CEMIP: variants seen among roughly 807,000 people sequenced by gnomAD.
CEMIP encodes cell migration-inducing and hyaluronan-binding protein.
A neutral mutation model predicts 156.9 loss-of-function variants in CEMIP; 105 were observed. The observed-to-expected ratio is 0.67, with a 90% confidence interval of 0.57 to 0.79. The LOEUF is 0.79. Ranked by LOEUF, CEMIP falls within the 30% of genes least tolerant of loss-of-function variation. The probability of loss-of-function intolerance (pLI) is 0.00; values close to 1 mark genes in which losing one functional copy is unlikely to be tolerated. For synonymous variants in CEMIP, 676 were observed against 668.4 expected (o/e 1.01, Z -0.17); for missense variants, 1,457 against 1,769.4 (o/e 0.82, Z 3.17).
intron 12 of CEMIP, among the ~76,000 whole-genome samples, chr15:80,900,647 T>TA (rs1899476483): frequency 5.1e-5 from 6 of 117,618 alleles, no homozygotes; most frequent in African/African-American, 1.6e-4. Flanking sequence ...TGTGTGTGTG[T>TA]GTCTGTGTGT....
intron 1 of CEMIP, among the ~76,000 whole-genome samples, chr15:80,804,225 C>A (rs1273868979): frequency 1.3e-5 from 2 of 152,220 alleles, no homozygotes; most frequent in African/African-American, 4.8e-5. Flanking sequence ...GGGACACAGG[C>A]AAACCATATC....
intron 1 of CEMIP, among the ~76,000 whole-genome samples, chr15:80,864,553 C>A (rs984197288): frequency 6.6e-6 from 1 of 152,250 alleles, no homozygotes; most frequent in Non-Finnish European, 1.5e-5. Flanking sequence ...TCGCATACAT[C>A]ATCTCATCCC....
At chr15:80,899,003 A>G (rs189775969) in intron 12 of CEMIP, among the ~76,000 whole-genome samples, 21 of 152,296 alleles carry the variant, frequency 1.4e-4, no homozygotes, top group Non-Finnish European at 2.2e-4. Flanking sequence ...TCACAAGGTC[A>G]AGAGTTCGAG....
chr15:80,816,004 T>C (rs1038340547), intron 1 of CEMIP, among the ~76,000 whole-genome samples: 2 of 152,328 alleles, frequency 1.3e-5, no homozygotes, highest in Non-Finnish European at 2.9e-5. Context: ...TTCCTCCAGA[T>C]TGAAATTTAT....
At position 80,782,539 on chromosome 15, in the gene CEMIP, C is replaced by T. The variant is rs148384752; in HGVS notation, c.-176+2925C>T. On this transcript the variant is annotated intron_variant, in intron 1 of 29. Coordinates refer to ENST00000394685, the MANE Select transcript of CEMIP (RefSeq NM_001293298.2). Reference sequence around the variant, plus strand: ...TGGTAGACATCACTAATACATGACACACCACAGAAGTTTGGAGAATGGAAT... The same window carrying T: ...TGGTAGACATCACTAATACATGACATACCACAGAAGTTTGGAGAATGGAAT... Among the ~76,000 whole-genome samples the T allele has an allele frequency of 4.2e-3, 641 of 152,270 alleles. 1 individual carries two copies. The highest frequency in any genetic ancestry group is 7.3e-3 in the South Asian group (35 of 4,826).
At chr15:80,829,691 C>A (rs1003250741) in intron 1 of CEMIP, among the ~76,000 whole-genome samples, 1 of 152,182 alleles carries the variant, frequency 6.6e-6, no homozygotes, top group East Asian at 1.9e-4. Flanking sequence ...TTTCTTAGAA[C>A]AGAGATTTGC....
intron 1 of CEMIP, among the ~76,000 whole-genome samples, chr15:80,831,862 C>T (rs1897164316): frequency 6.6e-6 from 1 of 152,178 alleles, no homozygotes; most frequent in African/African-American, 2.4e-5. Flanking sequence ...CATTCAAGGG[C>T]GTTAGTGCCA....
In CEMIP at chr15:80,937,962, C is replaced by T; in HGVS notation, c.3390C>T (p.Tyr1130=). ...GCTACCCTGGCAGGAGCCACTACTA[C>T]TGGGACGAGGACTCAGGGTGAGCAG... ...EQSYPGRSHY[Y]WDEDSGLLFL... The change falls in exon 25 of 30, where the codon TAC becomes TAT. Residue 1130 remains tyrosine (Y), a synonymous_variant. Coordinates refer to ENST00000394685, the MANE Select transcript of CEMIP (RefSeq NM_001293298.2). 3.7e-6 allele frequency: 6 copies of T among 1,614,026 alleles called. No individual in the cohort carries two copies. The highest frequency in any genetic ancestry group is 5.1e-6 in the Non-Finnish European group (6 of 1,179,972).
At chr15:80,836,009 A>G (rs1897262721) in intron 1 of CEMIP, among the ~76,000 whole-genome samples, 1 of 103,786 alleles carries the variant, frequency 9.6e-6, no homozygotes, top group African/African-American at 3.0e-5. Context: ...GTCATGTGTA[A>G]CTTGGTTTGC....
intron 1 of CEMIP, among the ~76,000 whole-genome samples, chr15:80,781,050 C>T (rs1895779469): frequency 6.6e-6 from 1 of 152,186 alleles, no homozygotes; most frequent in Non-Finnish European, 1.5e-5. Context: ...TATGACACCA[C>T]GGAGACCCCT....
intron 21 of CEMIP, among the ~76,000 whole-genome samples, chr15:80,930,815 C>T (rs1360045689): frequency 6.6e-6 from 1 of 152,126 alleles, no homozygotes; most frequent in African/African-American, 2.4e-5. Context: ...ATTTTTTCTG[C>T]TTCTTTTTCC....
intron 12 of CEMIP, chr15:80,900,876 C>T: frequency 4.4e-6 from 2 of 452,066 alleles, no homozygotes; most frequent in Admixed American, 2.4e-5. Context: ...AGGCTGGCTG[C>T]AGACACGGAC....
chr15:80,831,477 G>C (rs999057670), intron 1 of CEMIP, among the ~76,000 whole-genome samples: 2 of 152,118 alleles, frequency 1.3e-5, no homozygotes, highest in African/African-American at 2.4e-5. Flanking sequence ...GGCTAAGTTG[G>C]GGGGACAGGA....
At chr15:80,834,360 G>A (rs1897223909) in intron 1 of CEMIP, among the ~76,000 whole-genome samples, 1 of 152,020 alleles carries the variant, frequency 6.6e-6, no homozygotes, top group African/African-American at 2.4e-5. Context: ...TTTTATTTCT[G>A]TTTTACACAT....
At chr15:80,944,966 T>C (rs1383565740) in intron 28 of CEMIP, among the ~76,000 whole-genome samples, 2 of 152,186 alleles carry the variant, frequency 1.3e-5, no homozygotes, top group African/African-American at 2.4e-5. Flanking sequence ...TTGGTACCAC[T>C]AGACCCCTCT....
chr15:80,946,852 C>T, intron 28 of CEMIP, 113 bp from the exon 29 acceptor site: 1 of 739,360 alleles, frequency 1.4e-6, no homozygotes, highest in South Asian at 1.5e-5. Context: ...CCTGGACAGG[C>T]CTCTGGGCAC....
chr15:80,901,232 C>T (rs1008118844), intron 12 of CEMIP, among the ~76,000 whole-genome samples: 5 of 152,158 alleles, frequency 3.3e-5, no homozygotes, highest in African/African-American at 1.2e-4. Context: ...TTCACATAAA[C>T]CATCTTGTTC....
chr15:80,878,687 G>A, intron 3 of CEMIP, 34 bp from the exon 4 acceptor site: 1 of 1,613,924 alleles, frequency 6.2e-7, no homozygotes, highest in Non-Finnish European at 8.5e-7. Flanking sequence ...GAGGCTGGTA[G>A]ATGGGAGCAG....
At chr15:80,839,616 G>A (rs1897347180) in intron 1 of CEMIP, among the ~76,000 whole-genome samples, 3 of 151,066 alleles carry the variant, frequency 2.0e-5, no homozygotes, top group Admixed American at 2.0e-4. Flanking sequence ...TTGCCTTTGT[G>A]GCTAACAGGG....
Sources: allele counts gnomAD v4.1 joint callset (sites outside exome capture counted in the v4.1 genomes callset), GRCh38; gene constraint gnomAD v4.1.1; transcripts MANE v1.5; gene names NCBI Gene and HGNC (gene_info 2026-07-23, HGNC 2026-07-21).